CACNA1E: variants seen among roughly 807,000 people sequenced by gnomAD.
CACNA1E encodes the protein calcium voltage-gated channel subunit alpha1 E.
Under a neutral mutation model 259.2 loss-of-function variants are expected in CACNA1E, and 40 were observed. That is an observed-to-expected ratio of 0.15 (90% CI 0.12 to 0.20). The LOEUF (loss-of-function observed/expected upper bound fraction) is 0.20, where lower values mean the gene tolerates loss of function less well. Ranked by LOEUF, CACNA1E falls within the 10% of genes least tolerant of loss-of-function variation. The probability of loss-of-function intolerance (pLI) is 1.00; values close to 1 mark genes in which losing one functional copy is unlikely to be tolerated. For missense variants in CACNA1E, 1,874 were observed against 3,040.1 expected (o/e 0.62, Z 9.02); for synonymous variants, 1,104 against 1,138.5 (o/e 0.97, Z 0.61).
intron 1 of CACNA1E, among the ~76,000 whole-genome samples, chr1:181,501,204 A>G (rs1011542023): frequency 1.3e-5 from 2 of 152,212 alleles, no homozygotes; most frequent in Non-Finnish European, 2.9e-5. Flanking sequence ...TCCAGGATCC[A>G]GTCACACGCA....
At chr1:181,511,092 C>T (rs1259765351) in intron 2 of CACNA1E, among the ~76,000 whole-genome samples, 2 of 152,226 alleles carry the variant, frequency 1.3e-5, no homozygotes, top group Non-Finnish European at 2.9e-5. Context: ...TCCTTCAGGG[C>T]AAAGCCAGGG....
At chr1:181,514,209 T>G (rs1346610930) in intron 3 of CACNA1E, among the ~76,000 whole-genome samples, 2 of 152,236 alleles carry the variant, frequency 1.3e-5, no homozygotes, top group East Asian at 3.8e-4. Context: ...GCTGGAACAT[T>G]GCTGAAATCA....
intron 3 of CACNA1E, among the ~76,000 whole-genome samples, chr1:181,573,192 C>T (rs1315199222): frequency 6.6e-6 from 1 of 152,180 alleles, no homozygotes; most frequent in African/African-American, 2.4e-5. Context: ...TAATGACATA[C>T]CACTTGAAAA....
At chr1:181,609,225 C>T (rs1010052693) in intron 6 of CACNA1E, among the ~76,000 whole-genome samples, 2 of 152,166 alleles carry the variant, frequency 1.3e-5, no homozygotes, top group South Asian at 4.1e-4. Flanking sequence ...GAAATGCTGG[C>T]GGTGCCCCCT....
At chr1:181,640,369 G>A (rs1033311620) in intron 6 of CACNA1E, among the ~76,000 whole-genome samples, 4 of 152,184 alleles carry the variant, frequency 2.6e-5, no homozygotes, top group African/African-American at 9.7e-5. Flanking sequence ...CATTGATGCT[G>A]TCTTGGGTTC....
chr1:181,373,638 C>T lies in CACNA1E; in HGVS notation c.-14-39495C>T, dbSNP rs531421076. Among the ~76,000 whole-genome samples the T allele has an allele frequency of 1.4e-4, 21 of 150,782 alleles. No homozygotes were observed. The South Asian group carries it at 4.4e-3, about 32-fold the overall frequency. Reference sequence around the variant, plus strand: ...CTGCAAGCTCCGCCTCCCGGGTTCACGCCATTCTCCTGCCTCAGCCTCCCA... The same window carrying T: ...CTGCAAGCTCCGCCTCCCGGGTTCATGCCATTCTCCTGCCTCAGCCTCCCA... On this transcript the variant is annotated intron_variant, in intron 1 of 11. Coordinates refer to the CACNA1E transcript ENST00000524607.
At chr1:181,605,877 T>C (rs542228373) in intron 6 of CACNA1E, among the ~76,000 whole-genome samples, 1 of 152,336 alleles carries the variant, frequency 6.6e-6, no homozygotes, top group African/African-American at 2.4e-5. Flanking sequence ...TTTATCCTAA[T>C]GTGCTGGATA....
At chr1:181,737,487 G>A (rs1656151011) in intron 22 of CACNA1E, 38 bp from the exon 23 acceptor site, 1 of 1,610,750 alleles carries the variant, frequency 6.2e-7, no homozygotes, top group Non-Finnish European at 8.5e-7. Context: ...TGGGCGTGGT[G>A]GGGAGTGGGC....
chr1:181,511,577 G>A, intron 3 of CACNA1E, 67 bp downstream of exon 3: 1 of 1,575,442 alleles, frequency 6.3e-7, no homozygotes, highest in African/African-American at 1.4e-5. Context: ...AGGTGGCTGG[G>A]GGCAGGGAAC....
intron 6 of CACNA1E, among the ~76,000 whole-genome samples, chr1:181,589,592 A>C (rs1301787333): frequency 6.6e-6 from 1 of 152,104 alleles, no homozygotes; most frequent in Non-Finnish European, 1.5e-5. Flanking sequence ...GGTGGCTCAC[A>C]CCTGTAGTCC....
At chr1:181,376,287 A>G (rs1469421083) in intron 1 of CACNA1E, among the ~76,000 whole-genome samples, 1 of 152,192 alleles carries the variant, frequency 6.6e-6, no homozygotes. Context: ...TTGCCTTCAA[A>G]TAAACTCTGA....
intron 7 of CACNA1E, among the ~76,000 whole-genome samples, chr1:181,690,342 T>A (rs568661252): frequency 3.3e-5 from 5 of 152,322 alleles, no homozygotes; most frequent in African/African-American, 1.2e-4. Context: ...TATATATCTG[T>A]TTTGGTACCA....
intron 1 of CACNA1E, among the ~76,000 whole-genome samples, chr1:181,403,512 A>AT (rs1571779513): frequency 6.6e-6 from 1 of 152,008 alleles, no homozygotes; most frequent in East Asian, 1.9e-4. Flanking sequence ...TATTCTGAGG[A>AT]TTGTTAGAAT....
At chr1:181,524,852 G>T (rs1667238078) in intron 3 of CACNA1E, among the ~76,000 whole-genome samples, 1 of 152,152 alleles carries the variant, frequency 6.6e-6, no homozygotes, top group Admixed American at 6.5e-5. Flanking sequence ...CAACAACCTT[G>T]CCCTGTGGGA....
chr1:181,720,358 C>T, intron 14 of CACNA1E, 21 bp downstream of exon 14: 2 of 1,607,596 alleles, frequency 1.2e-6, no homozygotes, highest in Middle Eastern at 1.7e-4. Context: ...AGAAGCTTTC[C>T]ATCCAAAGGA....
At chr1:181,362,845 C>G (rs1208316927) in intron 1 of CACNA1E, among the ~76,000 whole-genome samples, 2 of 152,230 alleles carry the variant, frequency 1.3e-5, no homozygotes, top group African/African-American at 4.8e-5. Flanking sequence ...TCCTGTTTTA[C>G]AGACTTGTTT....
intron 29 of CACNA1E, 109 bp downstream of exon 29, chr1:181,756,202 A>G: frequency 9.0e-7 from 1 of 1,113,554 alleles, no homozygotes; most frequent in Non-Finnish European, 1.2e-6. Context: ...TGTATCAGGG[A>G]AAGTAAGGGG....
At position 181,738,549 on chromosome 1, in the gene CACNA1E, C is replaced by T. The variant is rs953271907; in HGVS notation, c.3612+123C>T. ...CCAATGGCAGCCCTCAGTAGAGCTT[C>T]TGCCGCCCCTTCTCTGGCCTCAGAA... On this transcript the variant is annotated intron_variant, in intron 24 of 47. Transcript: ENST00000367573. 53 of 756,934 alleles carry T rather than the reference C, an allele frequency of 7.0e-5. 1 individual carries two copies. The highest frequency in any genetic ancestry group is 2.7e-4 in the Middle Eastern group (1 of 3,766). 46.9% of individuals were successfully genotyped at this position (756,934 alleles called of 1,614,324 possible). A position where few individuals can be genotyped will look rare whatever the true frequency, so the allele number is the denominator to read the frequency against.
At chr1:181,679,200 A>T (rs890682998) in intron 7 of CACNA1E, among the ~76,000 whole-genome samples, 4 of 152,212 alleles carry the variant, frequency 2.6e-5, no homozygotes, top group African/African-American at 9.6e-5. Context: ...AATGTATTGG[A>T]TAACTACAAT....
Sources: allele counts gnomAD v4.1 joint callset (sites outside exome capture counted in the v4.1 genomes callset), GRCh38; gene constraint gnomAD v4.1.1; transcripts MANE v1.5; gene names NCBI Gene and HGNC (gene_info 2026-07-23, HGNC 2026-07-21).